RSU1: variants seen among roughly 807,000 people sequenced by gnomAD.
RSU1 encodes the protein rsu-1.
Under a neutral mutation model 31.1 loss-of-function variants are expected in RSU1, and 26 were observed. That is an observed-to-expected ratio of 0.84 (90% CI 0.61 to 1.16). RSU1 has a LOEUF of 1.16. RSU1 is among the 50% of genes most tolerant of loss of function. The pLI, the probability that RSU1 is intolerant of heterozygous loss-of-function variation, is 0.00. For missense variants in RSU1, 320 were observed against 339.1 expected, an observed-to-expected ratio of 0.94 and a Z score of 0.44; for synonymous variants, 164 against 136.3, an observed-to-expected ratio of 1.20 and a Z score of -1.41.
rs1365953079 is a variant in RSU1, at chr10:16,592,805, A to C, written c.*589T>G. The C allele has an allele frequency of 6.6e-6, 1 of 152,268 alleles. No homozygotes were observed. Among genetic ancestry groups the C allele is most frequent in the East Asian group, 1.9e-4 (1 of 5,206 alleles). The allele number at this position is 152,268 out of a possible 1,614,324, so 9.4% of individuals were successfully genotyped here. On this transcript the variant is annotated 3_prime_UTR_variant, in exon 9 of 9. Transcript: ENST00000345264. ...CTTTCATGAAAAGTTTATCATGTATAACCAATAAAATTGGATAAGATGATT... is the reference window on the plus strand; with the variant it reads ...CTTTCATGAAAAGTTTATCATGTATCACCAATAAAATTGGATAAGATGATT...
In RSU1 at chr10:16,592,970, T is replaced by C. The variant is rs1833535238; in HGVS notation, c.*424A>G. 6.5e-6 allele frequency: 1 copy of C among 154,206 alleles called. No individual in the cohort carries two copies. The highest frequency in any genetic ancestry group is 2.4e-5 in the African/African-American group (1 of 41,262). 9.6% of individuals were successfully genotyped at this position (154,206 alleles called of 1,614,324 possible). ...AAGTTAAATTAGCATATCTCGGTGG[T>C]GAAGGAAGACTTTTAATAAAGCAAA... On this transcript the variant is annotated 3_prime_UTR_variant, in exon 9 of 9. Coordinates refer to ENST00000345264, the MANE Select transcript of RSU1 (RefSeq NM_012425.4).
intron 8 of RSU1, among the ~76,000 whole-genome samples, chr10:16,667,345 A>G (rs1835014120): frequency 6.6e-6 from 1 of 151,986 alleles, no homozygotes; most frequent in South Asian, 2.1e-4. Context: ...ATTACAATTA[A>G]CCTCCTTTCA....
At chr10:16,688,477 C>T (rs958197962) in intron 8 of RSU1, among the ~76,000 whole-genome samples, 1 of 152,066 alleles carries the variant, frequency 6.6e-6, no homozygotes, top group Non-Finnish European at 1.5e-5. Flanking sequence ...GATGTGGTAG[C>T]GAGCGCCTGC....
chr10:16,670,921 C>T (rs1299677783), intron 8 of RSU1, among the ~76,000 whole-genome samples: 4 of 151,980 alleles, frequency 2.6e-5, no homozygotes, highest in Non-Finnish European at 4.4e-5. Context: ...CCCACCACCA[C>T]GCCCGGCTAA....
intron 8 of RSU1, among the ~76,000 whole-genome samples, chr10:16,693,250 G>A (rs891382282): frequency 1.2e-4 from 19 of 152,240 alleles, no homozygotes; most frequent in South Asian, 8.3e-4. Flanking sequence ...ACCATGCTCC[G>A]GCTGGCCATT....
intron 4 of RSU1, among the ~76,000 whole-genome samples, chr10:16,756,946 T>C (rs1329343293): frequency 1.3e-5 from 2 of 148,290 alleles, no homozygotes; most frequent in Admixed American, 1.3e-4. Flanking sequence ...GGGGCGGGTA[T>C]GTGTGTGGTG....
At chr10:16,730,128 A>C (rs1215017628) in intron 7 of RSU1, among the ~76,000 whole-genome samples, 1 of 152,126 alleles carries the variant, frequency 6.6e-6, no homozygotes, top group Non-Finnish European at 1.5e-5. Flanking sequence ...GGCAAGACGG[A>C]AGGGAGGTGC....
At chr10:16,612,348 C>A (rs1278410738) in intron 8 of RSU1, among the ~76,000 whole-genome samples, 1 of 152,170 alleles carries the variant, frequency 6.6e-6, no homozygotes, top group Non-Finnish European at 1.5e-5. Context: ...CTTTCTGAGC[C>A]TGGTTTTCAC....
chr10:16,802,801 T>C (rs1445164828), intron 2 of RSU1, among the ~76,000 whole-genome samples: 3 of 152,212 alleles, frequency 2.0e-5, no homozygotes, highest in Admixed American at 1.3e-4. Flanking sequence ...ATTATATGCA[T>C]AGAGGCAGAA....
chr10:16,672,295 G>A (rs1292264091), intron 8 of RSU1, among the ~76,000 whole-genome samples: 4 of 152,042 alleles, frequency 2.6e-5, no homozygotes, highest in Non-Finnish European at 2.9e-5. Context: ...GGGCGACAGG[G>A]CAAGACTCTG....
At chr10:16,609,748 C>T (rs112744472) in intron 8 of RSU1, among the ~76,000 whole-genome samples, 2,057 of 152,338 alleles carry the variant, frequency 0.014, 42 homozygotes, top group African/African-American at 0.047. Flanking sequence ...TTCCATCCAA[C>T]ATATCTCCCC....
intron 7 of RSU1, among the ~76,000 whole-genome samples, chr10:16,748,595 C>T (rs1415743145): frequency 1.3e-5 from 2 of 152,174 alleles, no homozygotes; most frequent in East Asian, 1.9e-4. Context: ...AGCCCAAGTT[C>T]GGACAATGTC....
intron 8 of RSU1, among the ~76,000 whole-genome samples, chr10:16,685,988 G>C (rs965168985): frequency 2.0e-5 from 3 of 152,166 alleles, no homozygotes; most frequent in Admixed American, 6.5e-5. Context: ...TTGAGGCATG[G>C]ATAAATGCCT....
intron 2 of RSU1, among the ~76,000 whole-genome samples, chr10:16,782,992 C>A (rs565827212): frequency 2.6e-5 from 4 of 151,452 alleles, no homozygotes; most frequent in Middle Eastern, 3.2e-3. Context: ...CTCACTGTAA[C>A]CTCCGCCTCC....
Position 16,645,489 on chromosome 10 carries a change from T to C in RSU1, c.731+49534A>G, listed in dbSNP as rs866196774. Among the ~76,000 whole-genome samples the C allele has an allele frequency of 2.0e-5, 3 of 152,230 alleles. No homozygotes were observed. In the Middle Eastern group the frequency reaches 0.01, roughly 518 times the overall value. On this transcript the variant is annotated intron_variant, in intron 8 of 8. Transcript: ENST00000345264. ...TATGCAACAGACCTAGGATAGTCAC[T>C]TCATCTCTCATAAATCAAAGATTAC...
At chr10:16,783,251 G>A (rs1837695129) in intron 2 of RSU1, among the ~76,000 whole-genome samples, 1 of 152,014 alleles carries the variant, frequency 6.6e-6, no homozygotes, top group African/African-American at 2.4e-5. Flanking sequence ...TAATGCAGTA[G>A]AGGTTTTTCC....
intron 8 of RSU1, among the ~76,000 whole-genome samples, chr10:16,644,762 C>T (rs1564297560): frequency 2.0e-5 from 3 of 152,160 alleles, no homozygotes; most frequent in Admixed American, 1.3e-4. Context: ...TAAGAGTGAA[C>T]ATTTTCTCAA....
chr10:16,616,371 C>CAA (rs529296931), intron 8 of RSU1, among the ~76,000 whole-genome samples: 1,560 of 90,546 alleles, frequency 0.017, 17 homozygotes, highest in African/African-American at 0.037. Context: ...GCCTACCAAC[C>CAA]AAAAAAAAAA....
intron 8 of RSU1, among the ~76,000 whole-genome samples, chr10:16,631,467 C>T (rs777778385): frequency 2.6e-5 from 4 of 152,194 alleles, no homozygotes; most frequent in Non-Finnish European, 5.9e-5. Flanking sequence ...CACGGCGTGA[C>T]TTTTACCATG....
Sources: gnomAD v4.1 joint callset for allele counts (sites outside exome capture counted in the v4.1 genomes callset) on GRCh38, gnomAD v4.1.1 for gene constraint, MANE v1.5 for transcripts, NCBI Gene and HGNC (gene_info 2026-07-23, HGNC 2026-07-21) for gene names.